The following MCPH1 variants were observed in gnomAD, a reference collection of about 807,000 sequenced individuals.
MCPH1 encodes microcephalin 1.
MCPH1 carries 104 observed loss-of-function variants against 84.5 expected under a neutral mutation model. The ratio of observed to expected loss-of-function variants is 1.23; its 90% confidence interval spans 1.05 to 1.45. MCPH1 has a LOEUF of 1.45. MCPH1 is among the 40% of genes most tolerant of loss of function. The pLI is 0.00. For synonymous variants in MCPH1, 514 were observed against 366.8 expected (o/e 1.40, Z -4.58); for missense variants, 1,498 against 1,005.7 (o/e 1.49, Z -6.62).
intron 9 of MCPH1, among the ~76,000 whole-genome samples, chr8:6,471,496 T>C (rs1344240587): frequency 1.3e-5 from 2 of 152,138 alleles, no homozygotes; most frequent in East Asian, 3.9e-4. Flanking sequence ...AAAAGCACAG[T>C]CGACTGAATT....
intron 12 of MCPH1, 171 bp from the exon 13 acceptor site, chr8:6,621,283 T>A: frequency 2.4e-6 from 2 of 820,316 alleles, no homozygotes; most frequent in Non-Finnish European, 3.9e-6. Flanking sequence ...TTTATGTCAT[T>A]AATGTCATCA....
Position 6,446,864 on chromosome 8 carries a change from G to A in MCPH1, c.1825+1317G>A, listed in dbSNP as rs1000865937. On this transcript the variant is annotated intron_variant, in intron 8 of 13. Transcript: ENST00000344683. ...TAGTCCTCGGAAGCAGGTGTGTTAT[G>A]TTCTAGAACACTGCCCCCCTGCGTC... 5.2e-5 allele frequency: 51 copies of A among 985,084 alleles called. No individual in the cohort carries two copies. The Middle Eastern group carries it at 1.6e-3, about 30-fold the overall frequency. The allele number at this position is 985,084 out of a possible 1,614,324, so 61.0% of individuals were successfully genotyped here.
chr8:6,443,135 A>G (rs936819738), intron 7 of MCPH1, among the ~76,000 whole-genome samples: 3 of 152,204 alleles, frequency 2.0e-5, no homozygotes. Flanking sequence ...AGGTTCCATC[A>G]CCATCCCATT....
At chr8:6,573,094 C>G (rs1406584828) in intron 12 of MCPH1, among the ~76,000 whole-genome samples, 1 of 152,064 alleles carries the variant, frequency 6.6e-6, no homozygotes, top group Admixed American at 6.5e-5. Context: ...AATAATTGAG[C>G]CAAGAGGGAG....
chr8:6,417,462 C>T (rs1285766817), intron 3 of MCPH1, among the ~76,000 whole-genome samples: 1 of 152,154 alleles, frequency 6.6e-6, no homozygotes, highest in African/African-American at 2.4e-5. Context: ...GTGTAATACA[C>T]CTTTTAAACG....
At chr8:6,451,990 A>G (rs955367767) in intron 8 of MCPH1, among the ~76,000 whole-genome samples, 2 of 152,242 alleles carry the variant, frequency 1.3e-5, no homozygotes, top group African/African-American at 4.8e-5. Flanking sequence ...GGAAAGTAGG[A>G]TGTGGAGGAA....
chr8:6,539,367 A>G (rs1267073146), intron 12 of MCPH1, among the ~76,000 whole-genome samples: 1 of 152,160 alleles, frequency 6.6e-6, no homozygotes, highest in African/African-American at 2.4e-5. Context: ...CTTCACGTTC[A>G]GTGTAAGGCC....
intron 12 of MCPH1, among the ~76,000 whole-genome samples, chr8:6,597,097 G>C (rs1402433400): frequency 2.6e-5 from 4 of 152,194 alleles, no homozygotes. Context: ...CCTCTGCCTG[G>C]TGTGTGATCT....
intron 9 of MCPH1, among the ~76,000 whole-genome samples, chr8:6,465,920 T>TGTCG (rs1325841568): frequency 0.013 from 1,184 of 92,120 alleles, 26 homozygotes; most frequent in African/African-American, 0.042. Flanking sequence ...CAATTTTATC[T>TGTCG]ATCGATCCAT....
intron 13 of MCPH1, among the ~76,000 whole-genome samples, chr8:6,630,531 C>G (rs1563216426): frequency 6.6e-6 from 1 of 152,056 alleles, no homozygotes; most frequent in Non-Finnish European, 1.5e-5. Context: ...CCTGTAATCC[C>G]AACACTTTGG....
intron 12 of MCPH1, among the ~76,000 whole-genome samples, chr8:6,617,389 T>A (rs903473796): frequency 2.6e-5 from 4 of 151,574 alleles, no homozygotes; most frequent in Non-Finnish European, 5.9e-5. Flanking sequence ...ACACCATTCT[T>A]CTGCCTCAGC....
chr8:6,511,423 A>C (rs1815071093), intron 12 of MCPH1, among the ~76,000 whole-genome samples: 1 of 152,180 alleles, frequency 6.6e-6, no homozygotes, highest in South Asian at 2.1e-4. Context: ...AAAGTGATGA[A>C]TTTTTAAGAT....
chr8:6,566,552 G>A (rs1328760149), intron 12 of MCPH1, among the ~76,000 whole-genome samples: 3 of 152,224 alleles, frequency 2.0e-5, no homozygotes, highest in African/African-American at 7.2e-5. Context: ...GCCATTAACA[G>A]GGCACACAGC....
At position 6,444,804 on chromosome 8, in the gene MCPH1, A is replaced by C. The variant is rs1352243272; in HGVS notation, c.1082A>C (p.His361Pro). 1 of 1,614,132 alleles carries C rather than the reference A, an allele frequency of 6.2e-7. No individual in the cohort carries two copies. The highest frequency in any genetic ancestry group is 8.5e-7 in the Non-Finnish European group (1 of 1,180,018). The change falls in exon 8 of 14, where the codon CAT (histidine) becomes CCT (proline). Residue 361 changes from histidine (H) to proline (P), a missense_variant. Physicochemically the swap from His to Pro is moderately conservative, Grantham distance 77 (BLOSUM62 -2). Coordinates refer to ENST00000344683, the MANE Select transcript of MCPH1 (RefSeq NM_024596.5). ...TCAGTAAAGAGAAAAAGAGTATCACATGGCTCCCATTCACCTCCGAAGGAA... is the reference window on the plus strand; with the variant it reads ...TCAGTAAAGAGAAAAAGAGTATCACCTGGCTCCCATTCACCTCCGAAGGAA... ...SSSVKRKRVS[H>P]GSHSPPKEKC...
intron 9 of MCPH1, among the ~76,000 whole-genome samples, chr8:6,456,572 G>C (rs1021088443): frequency 2.6e-5 from 4 of 151,804 alleles, no homozygotes; most frequent in African/African-American, 9.7e-5. Context: ...CCGCTTTACT[G>C]ACCCTTTACC....
rs1410838802 is a variant in MCPH1, at chr8:6,493,519, T to C, written c.2137-6333T>C. On this transcript the variant is annotated intron_variant, in intron 11 of 13. Transcript: ENST00000344683. ...TTATTGCTTATCTTCCCTTTCTTGG[T>C]TGAATAGGCTGTGTTAGATATTTAG... Among the ~76,000 whole-genome samples the C allele has an allele frequency of 2.0e-5, 3 of 152,346 alleles. No homozygotes were observed. The East Asian group carries it at 5.8e-4, about 29-fold the overall frequency.
chr8:6,474,483 C>G (rs1055156845), intron 9 of MCPH1, among the ~76,000 whole-genome samples: 10 of 152,096 alleles, frequency 6.6e-5, no homozygotes, highest in African/African-American at 2.4e-4. Context: ...AATTGCACCA[C>G]TGCACTCCAG....
intron 8 of MCPH1, among the ~76,000 whole-genome samples, chr8:6,448,198 G>T (rs1190475834): frequency 6.6e-6 from 1 of 152,206 alleles, no homozygotes. Flanking sequence ...GATAGATAAG[G>T]TGACCAACGA....
intron 12 of MCPH1, among the ~76,000 whole-genome samples, chr8:6,535,981 C>T (rs1433199409): frequency 6.6e-6 from 1 of 151,982 alleles, no homozygotes; most frequent in African/African-American, 2.4e-5. Context: ...TGCTTGAGCC[C>T]AGGAGAGCAA....
Sources: gnomAD v4.1 joint callset for allele counts (sites outside exome capture counted in the v4.1 genomes callset) on GRCh38, gnomAD v4.1.1 for gene constraint, MANE v1.5 for transcripts, NCBI Gene and HGNC (gene_info 2026-07-23, HGNC 2026-07-21) for gene names.